Variants in EIF4G3 observed in about 807,000 individuals in gnomAD.
EIF4G3 encodes eIF-4-gamma 3.
In EIF4G3, 34 loss-of-function variants were observed where a neutral mutation model predicts 186.4. The observed-to-expected ratio is 0.18, with a 90% confidence interval of 0.14 to 0.24. The LOEUF is 0.24. EIF4G3 is among the 10% of genes least tolerant of loss of function. The pLI, the probability that EIF4G3 is intolerant of heterozygous loss-of-function variation, is 1.00. For missense variants in EIF4G3, 1,536 were observed against 1,948.5 expected, an observed-to-expected ratio of 0.79 and a Z score of 3.99; for synonymous variants, 673 against 679.5, an observed-to-expected ratio of 0.99 and a Z score of 0.15.
intron 25 of EIF4G3, among the ~76,000 whole-genome samples, chr1:20,857,175 A>AAAAAAAAAAAAAAAAAAAAAAAG (rs1184221597): frequency 6.6e-6 from 1 of 150,488 alleles, no homozygotes; most frequent in Non-Finnish European, 1.5e-5. Context: ...AAAAAAAAAA[A>AAAAAAAAAAAAAAAAAAAAAAAG]AAAAGAAAAT....
At chr1:21,105,639 T>C (rs1157392641) in intron 2 of EIF4G3, among the ~76,000 whole-genome samples, 1 of 152,164 alleles carries the variant, frequency 6.6e-6, no homozygotes, top group East Asian at 1.9e-4. Flanking sequence ...CTAGATAAAG[T>C]AGAAGTAATT....
intron 20 of EIF4G3, among the ~76,000 whole-genome samples, chr1:20,867,627 A>G (rs1290554652): frequency 2.6e-5 from 4 of 152,216 alleles, no homozygotes; most frequent in African/African-American, 9.6e-5. Context: ...CCCAATAAAC[A>G]ACTAGTATGG....
chr1:20,860,592 A>C, intron 23 of EIF4G3, 75 bp from the exon 24 acceptor site: 1 of 1,518,936 alleles, frequency 6.6e-7, no homozygotes, highest in Non-Finnish European at 8.9e-7. Context: ...AGCAATTTTT[A>C]CTACTGGAAA....
Position 20,949,910 on chromosome 1 carries a change from G to C in EIF4G3, c.823+93C>G, listed in dbSNP as rs537001360. 43 of 1,060,074 alleles carry C rather than the reference G, an allele frequency of 4.1e-5. No homozygotes were observed. In the East Asian group the frequency reaches 1.0e-3, roughly 26 times the overall value. The allele number at this position is 1,060,074 out of a possible 1,614,324, so 65.7% of individuals were successfully genotyped here. ...AAAGGTGGGTGTCTAAATAATCCTT[G>C]GATGCTGTACTCTTACTCTTGAATG... On this transcript the variant is annotated intron_variant, in intron 13 of 36. Coordinates refer to ENST00000602326, the MANE Select transcript of EIF4G3 (RefSeq NM_001391906.1).
intron 15 of EIF4G3, among the ~76,000 whole-genome samples, chr1:20,904,075 C>G (rs935341265): frequency 6.6e-6 from 1 of 152,154 alleles, no homozygotes; most frequent in Non-Finnish European, 1.5e-5. Flanking sequence ...ACATTCATCT[C>G]TTGGACTTGG....
intron 12 of EIF4G3, among the ~76,000 whole-genome samples, chr1:20,956,424 A>G (rs2096419026): frequency 6.6e-6 from 1 of 152,112 alleles, no homozygotes. Flanking sequence ...AGAAGCAGAG[A>G]GATGAGTGAG....
intron 12 of EIF4G3, among the ~76,000 whole-genome samples, chr1:20,956,699 G>T (rs10916910): frequency 0.29 from 43,645 of 151,004 alleles, 8,059 homozygotes; most frequent in Non-Finnish European, 0.41. Context: ...TTGAGACAGG[G>T]TCTCGCTCTG....
intron 3 of EIF4G3, among the ~76,000 whole-genome samples, chr1:21,075,456 C>CTACTTGGG (rs1334503568): frequency 6.6e-6 from 1 of 151,298 alleles, no homozygotes; most frequent in Non-Finnish European, 1.5e-5. Context: ...GTAATCCCAG[C>CTACTTGGG]TACTTGGGAG....
At chr1:20,893,372 T>G in intron 18 of EIF4G3, 145 bp downstream of exon 18, 9 of 792,024 alleles carry the variant, frequency 1.1e-5, no homozygotes, top group Non-Finnish European at 1.5e-5. Flanking sequence ...TGCTTTAATA[T>G]GAGTATGGAA....
intron 25 of EIF4G3, 99 bp downstream of exon 25, chr1:20,857,304 C>A: frequency 4.1e-6 from 4 of 979,938 alleles, no homozygotes; most frequent in South Asian, 1.4e-5. Flanking sequence ...ACTTTTGAGA[C>A]ACGTTTTGCA....
At chr1:20,881,002 A>ACAC (rs1450682291) in intron 19 of EIF4G3, among the ~76,000 whole-genome samples, 2 of 151,622 alleles carry the variant, frequency 1.3e-5, no homozygotes, top group African/African-American at 2.4e-5. Context: ...CACACACACA[A>ACAC]ATACAAAACC....
At chr1:21,089,548 C>T (rs1331715139) in intron 2 of EIF4G3, among the ~76,000 whole-genome samples, 1 of 152,106 alleles carries the variant, frequency 6.6e-6, no homozygotes, top group Non-Finnish European at 1.5e-5. Flanking sequence ...AGCCTATAAT[C>T]CCAACACTTT....
At chr1:20,841,639 C>G (rs1489088283) in intron 29 of EIF4G3, among the ~76,000 whole-genome samples, 1 of 152,070 alleles carries the variant, frequency 6.6e-6, no homozygotes, top group East Asian at 1.9e-4. Context: ...TTAGTAAGTT[C>G]TTGTGGTATG....
At chr1:21,137,596 C>G (rs1353963030) in intron 2 of EIF4G3, among the ~76,000 whole-genome samples, 1 of 151,898 alleles carries the variant, frequency 6.6e-6, no homozygotes, top group Non-Finnish European at 1.5e-5. Context: ...ATCACTTGAG[C>G]CTTGGAGTTT....
chr1:20,857,353 T>C (rs747336175), intron 25 of EIF4G3, 50 bp downstream of exon 25: 11 of 1,383,008 alleles, frequency 8.0e-6, no homozygotes, highest in Non-Finnish European at 1.1e-5. Flanking sequence ...TGTTTTAATA[T>C]CAAAGGCATC....
chr1:21,164,160 C>T (rs558828479), intron 2 of EIF4G3, among the ~76,000 whole-genome samples: 1 of 152,244 alleles, frequency 6.6e-6, no homozygotes, highest in East Asian at 1.9e-4. Flanking sequence ...TTTAACCTGA[C>T]AGAACTAACA....
chr1:20,862,318 C>T lies in EIF4G3; in HGVS notation c.3021G>A (p.Gln1007=). Residue 1007 remains glutamine, a synonymous_variant, in exon 23 of 37, where the codon CAG becomes CAA. Coordinates refer to ENST00000602326, the MANE Select transcript of EIF4G3 (RefSeq NM_001391906.1). ...CAATTTTCTCCATCTGATTAAAGTA[C>T]TGGTCCATACGTGGCTGCAAGAGAC... ...DFEKAKPRMD[Q]YFNQMEKIVK... 1 of 1,607,660 alleles carries T rather than the reference C, an allele frequency of 6.2e-7. No homozygotes were observed. Among genetic ancestry groups the T allele is most frequent in the Non-Finnish European group, 8.5e-7 (1 of 1,176,538 alleles).
At chr1:20,882,531 G>C (rs936605672) in intron 19 of EIF4G3, among the ~76,000 whole-genome samples, 8 of 151,450 alleles carry the variant, frequency 5.3e-5, no homozygotes, top group Admixed American at 3.3e-4. Context: ...TGAGGCAGGA[G>C]AATCGCTTGA....
Position 20,973,106 on chromosome 1 carries a change from A to T in EIF4G3, c.494-7T>A, listed in dbSNP as rs1467728229. 6.2e-7 allele frequency: 1 copy of T among 1,606,112 alleles called. No individual in the cohort carries two copies. Among genetic ancestry groups the T allele is most frequent in the Non-Finnish European group, 8.5e-7 (1 of 1,177,314 alleles). On this transcript the variant is annotated splice_region_variant and splice_polypyrimidine_tract_variant and intron_variant, in intron 10 of 36. Coordinates refer to ENST00000602326, the MANE Select transcript of EIF4G3 (RefSeq NM_001391906.1). ...CTTGGGTAAAAAGGCGTTCCTAAAA[A>T]GTTGGAAAAAATTAAATAGGCATTC...
Sources: gnomAD v4.1 joint callset for allele counts (sites outside exome capture counted in the v4.1 genomes callset) on GRCh38, gnomAD v4.1.1 for gene constraint, MANE v1.5 for transcripts, NCBI Gene and HGNC (gene_info 2026-07-23, HGNC 2026-07-21) for gene names.